NSD3: variants seen among roughly 807,000 people sequenced by gnomAD.
The protein encoded by NSD3 is histone-lysine N-methyltransferase NSD3.
In NSD3, 24 loss-of-function variants were observed where a neutral mutation model predicts 160.8. The ratio of observed to expected loss-of-function variants is 0.15; its 90% CI spans 0.11 to 0.21. The LOEUF is 0.21. NSD3 is among the 10% of genes least tolerant of loss of function. NSD3 has a pLI of 1.00. For missense variants in NSD3, 1,157 were observed against 1,735.9 expected (o/e 0.67, Z 5.93); for synonymous variants, 520 against 600.0 (o/e 0.87, Z 1.95).
intron 7 of NSD3, among the ~76,000 whole-genome samples, chr8:38,322,680 T>C (rs1809818808): frequency 6.6e-6 from 1 of 152,238 alleles, no homozygotes; most frequent in Non-Finnish European, 1.5e-5. Context: ...AAGAGTATTA[T>C]GTTCATGTTC....
At chr8:38,306,832 C>T (rs940376668) in intron 12 of NSD3, among the ~76,000 whole-genome samples, 1 of 151,968 alleles carries the variant, frequency 6.6e-6, no homozygotes, top group East Asian at 1.9e-4. Flanking sequence ...CAGAAAAAAA[C>T]GGCCAGGCGC....
intron 1 of NSD3, among the ~76,000 whole-genome samples, chr8:38,369,105 A>C (rs913029433): frequency 6.6e-6 from 1 of 152,174 alleles, no homozygotes; most frequent in South Asian, 2.1e-4. Flanking sequence ...ATAATTTACT[A>C]AGTTTATCTT....
chr8:38,294,947 T>C (rs1400636823), intron 16 of NSD3, among the ~76,000 whole-genome samples: 1 of 151,004 alleles, frequency 6.6e-6, no homozygotes, highest in Non-Finnish European at 1.5e-5. Context: ...ATCGAGACCA[T>C]CCTGCCTAAC....
rs770451402 is a variant in NSD3 at position 38,331,414 on chromosome 8, A to G, written c.1065+17T>C. 2.5e-6 allele frequency: 4 copies of G among 1,575,756 alleles called. No individual in the cohort carries two copies. Reference sequence around the variant, plus strand: ...TTAAAAACCATACTAGGTAAATAATATTAACATGTTAGTTACCTTTTGTTT... The same window carrying G: ...TTAAAAACCATACTAGGTAAATAATGTTAACATGTTAGTTACCTTTTGTTT... On this transcript the variant is annotated intron_variant, in intron 5 of 23. Coordinates refer to ENST00000317025, the MANE Select transcript of NSD3 (RefSeq NM_023034.2).
At chr8:38,365,087 T>C (rs143205250) in intron 1 of NSD3, among the ~76,000 whole-genome samples, 8 of 152,348 alleles carry the variant, frequency 5.3e-5, no homozygotes, top group South Asian at 4.1e-4. Context: ...ATGAGGCAGA[T>C]AGAATTTATT....
chr8:38,328,477 TTAAC>T, intron 6 of NSD3, among the ~76,000 whole-genome samples: 1 of 152,340 alleles, frequency 6.6e-6, no homozygotes, highest in East Asian at 1.9e-4. Flanking sequence ...TAGCTTGGCC[TTAAC>T]TGAAGTCAGC....
intron 12 of NSD3, among the ~76,000 whole-genome samples, chr8:38,313,206 T>C (rs988641169): frequency 6.6e-6 from 1 of 152,158 alleles, no homozygotes; most frequent in Non-Finnish European, 1.5e-5. Flanking sequence ...TGTGTGTGTA[T>C]TTGTGTGTGT....
At chr8:38,289,355 T>C (rs763797091) in intron 18 of NSD3, 38 bp downstream of exon 18, 18 of 1,546,268 alleles carry the variant, frequency 1.2e-5, no homozygotes, top group Admixed American at 9.6e-5. Flanking sequence ...TTGTTTCTTA[T>C]TTTATTTGGC....
At chr8:38,323,831 A>G (rs951699028) in intron 7 of NSD3, among the ~76,000 whole-genome samples, 3 of 151,712 alleles carry the variant, frequency 2.0e-5, no homozygotes, top group Admixed American at 2.0e-4. Context: ...CAAAAAAAAA[A>G]AAAAAAAAAA....
At chr8:38,369,218 A>C (rs1811178661) in intron 1 of NSD3, among the ~76,000 whole-genome samples, 1 of 152,186 alleles carries the variant, frequency 6.6e-6, no homozygotes. Context: ...TTTCAAAATA[A>C]GTAATAAAAG....
rs1288977839 is a variant in NSD3 at position 38,331,510 on chromosome 8, T to C, written c.986A>G (p.Glu329Gly). 6.2e-7 allele frequency: 1 copy of C among 1,613,996 alleles called. No individual in the cohort carries two copies. Among genetic ancestry groups the C allele is most frequent in the East Asian group, 2.2e-5 (1 of 44,876 alleles). Residue 329 changes from glutamate to glycine, a missense_variant, in exon 5 of 24, where the codon GAG (glutamate) becomes GGG (glycine). Coordinates refer to ENST00000317025, the MANE Select transcript of NSD3 (RefSeq NM_023034.2). ...RAWVHEKRVR[E>G]YKGHKQYEEL... ...TTCATACTGTTTATGACCTTTATAC[T>C]CTCGTACCCGTTTTTCATGAACCCA...
chr8:38,280,890 C>T (rs1174173913), intron 20 of NSD3, among the ~76,000 whole-genome samples: 6 of 151,854 alleles, frequency 4.0e-5, no homozygotes. Flanking sequence ...GGAGCTGGGA[C>T]CACAGAAACG....
chr8:38,276,215 C>G, intron 23 of NSD3, 81 bp downstream of exon 23: 1 of 1,452,922 alleles, frequency 6.9e-7, no homozygotes, highest in South Asian at 1.2e-5. Flanking sequence ...ATTTCCTATC[C>G]CATGGCATGG....
At chr8:38,375,346 A>T (rs1186213961) in intron 1 of NSD3, among the ~76,000 whole-genome samples, 2 of 152,218 alleles carry the variant, frequency 1.3e-5, no homozygotes, top group Admixed American at 1.3e-4. Context: ...CAAGCTAAGA[A>T]TACTTTTTCA....
At chr8:38,357,118 CAAAAA>C (rs966483645) in intron 1 of NSD3, among the ~76,000 whole-genome samples, 10 of 21,316 alleles carry the variant, frequency 4.7e-4, no homozygotes, top group East Asian at 1.8e-3. Context: ...GACACCATCT[CAAAAA>C]AAAAAAAAAA....
intron 1 of NSD3, among the ~76,000 whole-genome samples, chr8:38,376,730 C>A (rs780269177): frequency 6.6e-6 from 1 of 152,184 alleles, no homozygotes; most frequent in Admixed American, 6.5e-5. Flanking sequence ...AGCCACTGCG[C>A]CCGGCCAGGC....
At chr8:38,343,132 GGTTGC>G (rs1810419932) in intron 2 of NSD3, among the ~76,000 whole-genome samples, 1 of 151,914 alleles carries the variant, frequency 6.6e-6, no homozygotes, top group Non-Finnish European at 1.5e-5. Flanking sequence ...GGAGGCAAGA[GGTTGC>G]AGTGAGCCGA....
At chr8:38,375,627 C>T (rs1323982378) in intron 1 of NSD3, among the ~76,000 whole-genome samples, 2 of 151,908 alleles carry the variant, frequency 1.3e-5, no homozygotes, top group African/African-American at 2.4e-5. Context: ...CAATTTCTTA[C>T]ATTTGTCCTT....
In NSD3 at chr8:38,271,618, G is replaced by A. The variant is rs1808484971; in HGVS notation, c.*4023C>T. 6.6e-6 allele frequency: 1 copy of A among 152,198 alleles called. No homozygotes were observed. The highest frequency in any genetic ancestry group is 6.5e-5 in the Admixed American group (1 of 15,278). 9.4% of individuals were successfully genotyped at this position (152,198 alleles called of 1,614,324 possible). Reference sequence around the variant, plus strand: ...AAATAACCAGAGACCAATTCTAGGTGGCCCTAGGCCAAAGGAAAGTGTTTC... The same window carrying A: ...AAATAACCAGAGACCAATTCTAGGTAGCCCTAGGCCAAAGGAAAGTGTTTC... On this transcript the variant is annotated 3_prime_UTR_variant, in exon 24 of 24. Coordinates refer to ENST00000317025, the MANE Select transcript of NSD3 (RefSeq NM_023034.2).
Sources: allele counts gnomAD v4.1 joint callset (sites outside exome capture counted in the v4.1 genomes callset), GRCh38; gene constraint gnomAD v4.1.1; transcripts MANE v1.5; gene names NCBI Gene and HGNC (gene_info 2026-07-23, HGNC 2026-07-21).